The following ABCG1 variants were observed in gnomAD, a reference collection of about 807,000 sequenced individuals.
ABCG1 encodes the protein ATP-binding cassette sub-family G member 1.
Under a neutral mutation model 69.2 loss-of-function variants are expected in ABCG1, and 29 were observed. The ratio of observed to expected loss-of-function variants is 0.42; its 90% CI spans 0.31 to 0.57. The LOEUF (loss-of-function observed/expected upper bound fraction) is 0.57, where lower values mean the gene tolerates loss of function less well. Ranked by LOEUF, ABCG1 falls within the 20% of genes least tolerant of loss-of-function variation. ABCG1 has a pLI of 0.15. For synonymous variants in ABCG1, 370 were observed against 374.8 expected (o/e 0.99, Z 0.15); for missense variants, 718 against 898.1 (o/e 0.80, Z 2.56).
At chr21:42,218,784 G>T (rs188964954), upstream of ABCG1, among the ~76,000 whole-genome samples, 1 of 152,244 alleles carries the variant, frequency 6.6e-6, no homozygotes, top group Admixed American at 6.5e-5. Context: ...CTCCCTGGAC[G>T]CCCCCTCTTC....
At chr21:42,211,218 A>C (rs1162906361), upstream of ABCG1, among the ~76,000 whole-genome samples, 1 of 152,102 alleles carries the variant, frequency 6.6e-6, no homozygotes, top group Non-Finnish European at 1.5e-5. Flanking sequence ...TCGGGCTCCC[A>C]AAGTGCTGGC....
chr21:42,285,907 G>T lies in ABCG1; in HGVS notation c.886G>T (p.Val296Leu), dbSNP rs760934588. ...TTACGTCCTGAGTCAAGGACAATGT[G>T]TGTACCGGGGAAAAGTCTGCAATCT... ...QLYVLSQGQC[V>L]YRGKVCNLVP... The change falls in exon 8 of 15, where the codon GTG becomes TTG. Residue 296 changes from valine (V) to leucine (L), a missense_variant. Coordinates refer to ENST00000398449, the MANE Select transcript of ABCG1 (RefSeq NM_016818.3). The T allele has an allele frequency of 6.2e-7, 1 of 1,614,056 alleles. No homozygotes were observed. The highest frequency in any genetic ancestry group is 2.2e-5 in the East Asian group (1 of 44,880).
At chr21:42,201,551 G>A in intron 1 of ABCG1, 1 of 1,445,814 alleles carries the variant, frequency 6.9e-7, no homozygotes, top group Non-Finnish European at 9.4e-7. Flanking sequence ...GCTTCATTCT[G>A]TCGACCTTCT....
At chr21:42,256,463 C>CCTGTA in intron 2 of ABCG1, 1 of 1,549,760 alleles carries the variant, frequency 6.5e-7, no homozygotes, top group East Asian at 2.4e-5. Context: ...GTATCCACAC[C>CCTGTA]CTGGCTGGGT....
Position 42,288,291 on chromosome 21 carries a change from C to T in ABCG1, c.1203C>T (p.Phe401=), listed in dbSNP as rs1339253495. The change falls in exon 10 of 15, where the codon TTC becomes TTT. Residue 401 remains phenylalanine, a synonymous_variant. Transcript: ENST00000398449. The surrounding 1 kb of genome is among the most constrained non-coding windows in gnomAD (Gnocchi z 4.8). ...TQFCILFKRT[F]LSIMRDSVLT... is the part of the protein sequence containing the mutation. ...TCTGCATCCTCTTCAAGAGGACCTT[C>T]CTCAGCATCATGAGGGACTCGGTAA... 1 of 1,611,858 alleles carries T rather than the reference C, an allele frequency of 6.2e-7. No homozygotes were observed. The highest frequency in any genetic ancestry group is 8.5e-7 in the Non-Finnish European group (1 of 1,178,436).
In ABCG1 at chr21:42,296,188, C is replaced by T. The variant is rs762157429; in HGVS notation, c.1797C>T (p.Leu599=). 2.5e-6 allele frequency: 4 copies of T among 1,614,092 alleles called. No individual in the cohort carries two copies. The highest frequency in any genetic ancestry group is 3.4e-6 in the Non-Finnish European group (4 of 1,180,016). ...YVRYGFEGVI[L]SIYGLDREDL... Reference sequence around the variant, plus strand: ...GGTATGGGTTCGAAGGGGTCATCCTCTCCATCTATGGCTTAGACCGGGAAG... The same window carrying T: ...GGTATGGGTTCGAAGGGGTCATCCTTTCCATCTATGGCTTAGACCGGGAAG... The change falls in exon 15 of 15, where the codon CTC becomes CTT. Residue 599 remains leucine (L), a synonymous_variant. Coordinates refer to ENST00000398449, the MANE Select transcript of ABCG1 (RefSeq NM_016818.3). The surrounding 1 kb of genome is among the most constrained non-coding windows in gnomAD (Gnocchi z 5.4).
At chr21:42,277,617 TGCA>T in intron 5 of ABCG1, among the ~76,000 whole-genome samples, 1 of 152,340 alleles carries the variant, frequency 6.6e-6, no homozygotes, top group Non-Finnish European at 1.5e-5. Flanking sequence ...TCCTCTCCAC[TGCA>T]GCTAGTGCTG....
intron 7 of ABCG1, among the ~76,000 whole-genome samples, chr21:42,284,935 G>C (rs115873988): frequency 6.6e-6 from 1 of 152,178 alleles, no homozygotes; most frequent in African/African-American, 2.4e-5. Context: ...ATGGCCTTCT[G>C]TTAGCTCGTG....
chr21:42,269,847 G>A (rs1264832708), intron 2 of ABCG1, among the ~76,000 whole-genome samples: 4 of 152,230 alleles, frequency 2.6e-5, no homozygotes, highest in Admixed American at 2.0e-4. Context: ...TCTAAAACAC[G>A]GGACTGGGCC....
Position 42,201,872 on chromosome 21 carries a change from GC to G in ABCG1, c.48+151del, listed in dbSNP as rs2067509465. ...CTCCTGCGGTGTAGTTTGGTGAGGG[GC>G]CAGCCCGAGGCAAACTGGGGACCTG... On this transcript the variant is annotated intron_variant, in intron 2 of 15. Transcript: ENST00000398457. 2.0e-6 allele frequency: 3 copies of G among 1,520,612 alleles called. No homozygotes were observed. In the Admixed American group the frequency reaches 5.6e-5, roughly 29 times the overall value. The allele number at this position is 1,520,612 out of a possible 1,614,324, so 94.2% of individuals were successfully genotyped here.
chr21:42,241,170 G>T (rs1275982076), intron 2 of ABCG1, among the ~76,000 whole-genome samples: 1 of 152,260 alleles, frequency 6.6e-6, no homozygotes, highest in Non-Finnish European at 1.5e-5. Context: ...TGCCTGTCAG[G>T]ATTCTGACGG....
upstream of ABCG1, chr21:42,216,306 T>G: frequency 3.0e-6 from 1 of 333,370 alleles, no homozygotes; most frequent in South Asian, 2.3e-5. Flanking sequence ...AATTACCAGC[T>G]GTCAGCAATG....
chr21:42,218,234 TC>T (rs957870339), upstream of ABCG1, among the ~76,000 whole-genome samples: 1 of 152,234 alleles, frequency 6.6e-6, no homozygotes, highest in African/African-American at 2.4e-5. Context: ...TTCCTGTTTT[TC>T]GTCCCAACAT....
chr21:42,290,825 A>G (rs999045781), intron 11 of ABCG1, among the ~76,000 whole-genome samples: 1 of 152,230 alleles, frequency 6.6e-6, no homozygotes, highest in African/African-American at 2.4e-5. Flanking sequence ...AAGGCCAGGC[A>G]TGAATCCTTG....
Position 42,276,322 on chromosome 21 carries a change from G to A in ABCG1, c.538-573G>A, listed in dbSNP as rs931947499. 6.5e-6 allele frequency: 1 copy of A among 152,734 alleles called. No individual in the cohort carries two copies. The highest frequency in any genetic ancestry group is 2.4e-5 in the African/African-American group (1 of 41,446). 9.5% of individuals were successfully genotyped at this position (152,734 alleles called of 1,614,324 possible). On this transcript the variant is annotated intron_variant, in intron 4 of 14. Coordinates refer to ENST00000398449, the MANE Select transcript of ABCG1 (RefSeq NM_016818.3). This position sits in a 1 kb window ranked among gnomAD's most constrained non-coding sequence, Gnocchi z 5.3. Reference sequence around the variant, plus strand: ...TCCTGTGCTGTAAAGACTCTCCTGTGGATAAGTTCAAGCCTCAGCAGTTTA... The same window carrying A: ...TCCTGTGCTGTAAAGACTCTCCTGTAGATAAGTTCAAGCCTCAGCAGTTTA...
intron 2 of ABCG1, among the ~76,000 whole-genome samples, chr21:42,268,097 G>A (rs1370621578): frequency 1.3e-5 from 2 of 152,116 alleles, no homozygotes; most frequent in East Asian, 1.9e-4. Flanking sequence ...CCTGGCTCTG[G>A]CAGTCTCTGC....
chr21:42,255,980 C>A, intron 2 of ABCG1: 1 of 356,998 alleles, frequency 2.8e-6, no homozygotes, highest in Admixed American at 4.8e-5. Flanking sequence ...TTTGTGTCCC[C>A]CAGAGTGAAC....
chr21:42,267,423 G>T (rs1221581836), intron 2 of ABCG1, among the ~76,000 whole-genome samples: 3 of 150,264 alleles, frequency 2.0e-5, no homozygotes, highest in African/African-American at 7.5e-5. Context: ...GTCTGATCTG[G>T]GTTCTGTCTG....
At chr21:42,260,701 G>T in intron 2 of ABCG1, among the ~76,000 whole-genome samples, 1 of 152,290 alleles carries the variant, frequency 6.6e-6, no homozygotes, top group African/African-American at 2.4e-5. Flanking sequence ...TTAGCAGGAA[G>T]GAAGGAAAAT....
Sources: allele counts gnomAD v4.1 joint callset (sites outside exome capture counted in the v4.1 genomes callset), GRCh38; gene constraint gnomAD v4.1.1; non-coding constraint Gnocchi (gnomAD v3.1); transcripts MANE v1.5; gene names NCBI Gene and HGNC (gene_info 2026-07-23, HGNC 2026-07-21).